Variants in MLF1 observed in about 807,000 individuals in gnomAD.
MLF1 encodes the protein myelodysplasia-myeloid leukemia factor 1.
Under a neutral mutation model 38.3 loss-of-function variants are expected in MLF1, and 37 were observed. The ratio of observed to expected loss-of-function variants is 0.96; its 90% CI spans 0.74 to 1.27. The LOEUF is 1.27. Among genes scored for constraint, MLF1 ranks in the 50% most tolerant of loss-of-function variants. MLF1 has a pLI of 0.00. For missense variants in MLF1, 331 were observed against 349.2 expected (o/e 0.95, Z 0.42); for synonymous variants, 95 against 106.5 (o/e 0.89, Z 0.66).
chr3:158,592,399 A>G (rs564384592), intron 1 of MLF1, 35 bp from the exon 2 acceptor site: 28 of 1,570,824 alleles, frequency 1.8e-5, no homozygotes, highest in Admixed American at 1.5e-4. Flanking sequence ...AAACTCCAAC[A>G]CTGAATCTTT....
At chr3:158,588,836 G>A (rs930421034) in intron 1 of MLF1, 1 of 456,262 alleles carries the variant, frequency 2.2e-6, no homozygotes, top group Non-Finnish European at 4.4e-6. Flanking sequence ...CCTCATTTGA[G>A]GATGTTGTTT....
At chr3:158,593,027 A>G (rs1025897562) in intron 2 of MLF1, among the ~76,000 whole-genome samples, 7 of 152,160 alleles carry the variant, frequency 4.6e-5, no homozygotes, top group African/African-American at 1.2e-4. Flanking sequence ...ATGGACCTTC[A>G]AAGCTTAGAT....
chr3:158,598,152 G>C lies in MLF1; in HGVS notation c.397G>C (p.Asp133His). 6.2e-7 allele frequency: 1 copy of C among 1,613,898 alleles called. No homozygotes were observed. The highest frequency in any genetic ancestry group is 8.5e-7 in the Non-Finnish European group (1 of 1,179,884). Residue 133 changes from aspartate (D) to histidine (H), a missense_variant, in exon 5 of 8, where the codon GAT becomes CAT. Physicochemically the swap from Asp to His is moderately conservative, Grantham distance 81. Transcript: ENST00000466246. ...AGTTATGACTTATTCCAAAATAGGA[G>C]ATGAACCGCCAAAGGTTTTTCAGGC... ...SSVMTYSKIG[D>H]EPPKVFQAST... is the part of the protein sequence containing the mutation.
At chr3:158,583,910 A>T (rs1418942432) in intron 1 of MLF1, among the ~76,000 whole-genome samples, 1 of 152,198 alleles carries the variant, frequency 6.6e-6, no homozygotes, top group East Asian at 1.9e-4. Flanking sequence ...ACTGTGACCA[A>T]CAGAGCTCCA....
At chr3:158,580,717 A>T (rs1217740974) in intron 1 of MLF1, among the ~76,000 whole-genome samples, 1 of 151,558 alleles carries the variant, frequency 6.6e-6, no homozygotes, top group African/African-American at 2.4e-5. Context: ...GCACTTTGGG[A>T]TGCTGAAACG....
intron 3 of MLF1, among the ~76,000 whole-genome samples, chr3:158,596,012 C>T (rs951859594): frequency 1.6e-4 from 24 of 152,234 alleles, no homozygotes; most frequent in African/African-American, 5.3e-4. Context: ...CAAAGTTTCT[C>T]AACCTCAGCC....
At chr3:158,591,690 T>C (rs951665359) in intron 1 of MLF1, among the ~76,000 whole-genome samples, 1 of 152,040 alleles carries the variant, frequency 6.6e-6, no homozygotes. Context: ...AGGAATTGAT[T>C]AGTGGGTCAG....
intron 4 of MLF1, among the ~76,000 whole-genome samples, chr3:158,597,669 G>A (rs1456562697): frequency 1.3e-5 from 2 of 152,120 alleles, no homozygotes; most frequent in East Asian, 1.9e-4. Flanking sequence ...GAAACTTGAT[G>A]TATAACTAAT....
chr3:158,572,438 G>A (rs1576632237), intron 1 of MLF1, among the ~76,000 whole-genome samples: 3 of 140,658 alleles, frequency 2.1e-5, no homozygotes, highest in African/African-American at 5.4e-5. Flanking sequence ...GCGTGAGGTG[G>A]CGGTAAGAGG....
chr3:158,605,135 G>A lies in MLF1; in HGVS notation c.785G>A (p.Arg262Lys). The A allele has an allele frequency of 6.2e-6, 10 of 1,613,830 alleles. No individual in the cohort carries two copies. Among genetic ancestry groups the A allele is most frequent in the African/African-American group, 1.3e-5 (1 of 75,032 alleles). The stretch of plus-strand genomic sequence containing the variant: ...CAAAGTCCAGCCATTGAACATGGAA[G>A]GAGATCAAATGTTTTGGGGGACAAA... The part of the protein sequence containing the change: ...PQQSPAIEHG[R>K]RSNVLGDKLH... Residue 262 changes from arginine to lysine, a missense_variant, in exon 8 of 8, where the codon AGG becomes AAG. Transcript: ENST00000466246.
In MLF1 at chr3:158,602,931, T is replaced by C; in HGVS notation, c.738T>C (p.Leu246=). The C allele has an allele frequency of 1.2e-6, 2 of 1,609,212 alleles. No homozygotes were observed. Among genetic ancestry groups the C allele is most frequent in the East Asian group, 4.5e-5 (2 of 44,810 alleles). Residue 246 remains leucine (L), a synonymous_variant, in exon 7 of 8, where the codon CTT becomes CTC. Transcript: ENST00000466246. The part of the protein sequence containing the change: ...VGHENPGSRE[L]KRREKPQQSP... ...ATGAGAATCCTGGCTCCCGAGAACTTAAAAGAAGGTAAAAGTTGTTTCTAA... is the reference window on the plus strand; with the variant it reads ...ATGAGAATCCTGGCTCCCGAGAACTCAAAAGAAGGTAAAAGTTGTTTCTAA...
intron 6 of MLF1, 88 bp from the exon 7 acceptor site, chr3:158,602,719 C>G: frequency 7.5e-7 from 1 of 1,330,572 alleles, no homozygotes; most frequent in East Asian, 2.4e-5. Flanking sequence ...ATGAAAACAC[C>G]AGACTAGACT....
intron 1 of MLF1, among the ~76,000 whole-genome samples, chr3:158,577,775 A>G (rs565937455): frequency 6.6e-6 from 1 of 152,320 alleles, no homozygotes; most frequent in African/African-American, 2.4e-5. Flanking sequence ...CAAAAATGCC[A>G]TACAGTAGCA....
At chr3:158,600,210 A>C (rs749368450) in intron 6 of MLF1, 37 bp downstream of exon 6, 2 of 1,304,544 alleles carry the variant, frequency 1.5e-6, no homozygotes, top group South Asian at 4.5e-5. Flanking sequence ...CTTTCTTATA[A>C]ATTTAAAATA....
chr3:158,589,232 G>A (rs35057010), intron 1 of MLF1, among the ~76,000 whole-genome samples: 24,698 of 151,510 alleles, frequency 0.16, 2,008 homozygotes, highest in Non-Finnish European at 0.2. Context: ...TTTATTTTGA[G>A]ACGGAGTCTC....
chr3:158,589,994 T>C (rs943863923), intron 1 of MLF1, among the ~76,000 whole-genome samples: 5 of 152,192 alleles, frequency 3.3e-5, no homozygotes, highest in African/African-American at 1.2e-4. Context: ...AGGATAATCT[T>C]CCCATCTCAA....
Position 158,605,152 on chromosome 3 carries a change from G to A in MLF1, c.802G>A (p.Gly268Arg), listed in dbSNP as rs1261934933. The change falls in exon 8 of 8, where the codon GGG (glycine) becomes AGG (arginine). Residue 268 changes from glycine to arginine, a missense_variant. Transcript: ENST00000466246. ...ACATGGAAGGAGATCAAATGTTTTG[G>A]GGGACAAACTCCACATCAAAGGCTC... ...IEHGRRSNVL[G>R]DKLHIKGSSV... The A allele has an allele frequency of 1.2e-6, 2 of 1,613,512 alleles. No individual in the cohort carries two copies. The highest frequency in any genetic ancestry group is 1.7e-5 in the Admixed American group (1 of 59,952).
At chr3:158,603,000 ATTTAC>A in intron 7 of MLF1, 61 bp downstream of exon 7, 1 of 1,453,744 alleles carries the variant, frequency 6.9e-7, no homozygotes, top group Non-Finnish European at 9.4e-7. Flanking sequence ...AAGTTATGTA[ATTTAC>A]TTCTGTTATC....
intron 7 of MLF1, among the ~76,000 whole-genome samples, chr3:158,603,785 G>C: frequency 6.6e-6 from 1 of 152,110 alleles, no homozygotes; most frequent in Admixed American, 6.5e-5. Flanking sequence ...GTTGTGGTGA[G>C]CCAAAATCAC....
Sources: gnomAD v4.1 joint callset for allele counts (sites outside exome capture counted in the v4.1 genomes callset) on GRCh38, gnomAD v4.1.1 for gene constraint, MANE v1.5 for transcripts, NCBI Gene and HGNC (gene_info 2026-07-23, HGNC 2026-07-21) for gene names.